The following ADAMTS9 variants were observed in gnomAD, a reference collection of about 807,000 sequenced individuals.
The protein encoded by ADAMTS9 is A disintegrin and metalloproteinase with thrombospondin motifs 9.
A neutral mutation model predicts 257.1 loss-of-function variants in ADAMTS9; 107 were observed. The ratio of observed to expected loss-of-function variants is 0.42; its 90% CI spans 0.36 to 0.49. The LOEUF is 0.49. Among genes scored for constraint, ADAMTS9 ranks in the 20% least tolerant of loss-of-function variants. ADAMTS9 has a pLI of 0.03. For missense variants in ADAMTS9, 2,353 were observed against 2,469.1 expected (o/e 0.95, Z 1.00); for synonymous variants, 982 against 880.9 (o/e 1.11, Z -2.03).
rs552102425 is a variant in ADAMTS9 at position 64,640,254 on chromosome 3, C to G, written c.1856+1594G>C. ...CAAAAATAACTTAATTAATCATCAT[C>G]TGTGATTTGTAGTACAGAGTACTGA... On this transcript the variant is annotated intron_variant, in intron 12 of 39. Coordinates refer to ENST00000498707, the MANE Select transcript of ADAMTS9 (RefSeq NM_182920.2). Among the ~76,000 whole-genome samples the G allele has an allele frequency of 7.4e-4, 113 of 152,310 alleles. 1 individual carries two copies. The highest frequency in any genetic ancestry group is 1.6e-3 in the Admixed American group (24 of 15,302).
At position 64,515,773 on chromosome 3, in the gene ADAMTS9, G is replaced by A. The variant is rs2082768879; in HGVS notation, c.*1354C>T. On this transcript the variant is annotated 3_prime_UTR_variant, in exon 40 of 40. Transcript: ENST00000498707. ...TGGAGCACTCTAGAGCTTGTTTGGA[G>A]TTGGAGAATACTGCCAGGCTTTTCC... 6.6e-6 allele frequency: 1 copy of A among 152,194 alleles called. No homozygotes were observed. Among genetic ancestry groups the A allele is most frequent in the Admixed American group, 6.5e-5 (1 of 15,280 alleles). The allele number at this position is 152,194 out of a possible 1,614,324, so 9.4% of individuals were successfully genotyped here.
intron 14 of ADAMTS9, 50 bp downstream of exon 14, chr3:64,633,422 C>T (rs751654716): frequency 1.9e-5 from 30 of 1,606,204 alleles, no homozygotes; most frequent in Non-Finnish European, 6.8e-6. Flanking sequence ...CCACAAATCA[C>T]AGGTTGGCAG....
chr3:64,642,891 G>A (rs1333204700), intron 11 of ADAMTS9, among the ~76,000 whole-genome samples: 1 of 152,152 alleles, frequency 6.6e-6, no homozygotes, highest in Non-Finnish European at 1.5e-5. Flanking sequence ...AAGGCCAGGG[G>A]GTGGGGCAGT....
At chr3:64,565,808 T>C (rs529601070) in intron 29 of ADAMTS9, 2 of 152,282 alleles carry the variant, frequency 1.3e-5, no homozygotes, top group South Asian at 4.2e-4. Flanking sequence ...TGTAATCTTT[T>C]TGGAGAGAGA....
In ADAMTS9 at chr3:64,616,174, T is replaced by C. The variant is rs939818833; in HGVS notation, c.2814-4A>G. The C allele has an allele frequency of 1.9e-6, 3 of 1,613,872 alleles. No homozygotes were observed. The Admixed American group carries it at 5.0e-5, about 27-fold the overall frequency. ...ACTCCTGCTGGCAACATGCCACCTA[T>C]GCAAAAATAATGGGGCAAAACCAAC... On this transcript the variant is annotated splice_polypyrimidine_tract_variant and splice_region_variant and intron_variant, in intron 19 of 39. Coordinates refer to ENST00000498707, the MANE Select transcript of ADAMTS9 (RefSeq NM_182920.2).
At chr3:64,534,058 C>T (rs2083016558) in intron 37 of ADAMTS9, among the ~76,000 whole-genome samples, 1 of 152,224 alleles carries the variant, frequency 6.6e-6, no homozygotes, top group South Asian at 2.1e-4. Flanking sequence ...AGGCTTCCTA[C>T]TCCACAATGA....
At chr3:64,637,220 A>G (rs11922238) in intron 12 of ADAMTS9, among the ~76,000 whole-genome samples, 5,345 of 152,308 alleles carry the variant, frequency 0.035, 308 homozygotes, top group African/African-American at 0.12. Context: ...CAGCCAACCA[A>G]ACTCATCTTT....
At chr3:64,517,416 GT>G (rs755480110) in intron 39 of ADAMTS9, among the ~76,000 whole-genome samples, 8,750 of 52,702 alleles carry the variant, frequency 0.17, 711 homozygotes, top group African/African-American at 0.28. Flanking sequence ...ATTAAAAATG[GT>G]TTTTTTTTTT....
In ADAMTS9 at chr3:64,550,833, C is replaced by A. The variant is rs559980736; in HGVS notation, c.4869+59G>T. 5.0e-6 allele frequency: 8 copies of A among 1,598,930 alleles called. No individual in the cohort carries two copies. The South Asian group carries it at 6.7e-5, about 13-fold the overall frequency. ...TCCTGCACTCATCCCTCCACTCATC[C>A]CTCTGCCACTCTCAGGCCATGGCTG... On this transcript the variant is annotated intron_variant, in intron 31 of 39. Coordinates refer to ENST00000498707, the MANE Select transcript of ADAMTS9 (RefSeq NM_182920.2).
rs182028547 is a variant in ADAMTS9 at position 64,615,437 on chromosome 3, C to T, written c.3073G>A (p.Val1025Ile). 3 of 1,613,928 alleles carry T rather than the reference C, an allele frequency of 1.9e-6. No individual in the cohort carries two copies. ...GGTQRRRAIC[V>I]NTRNDVLDDS... The stretch of plus-strand genomic sequence containing the variant: ...TCCAGTACATCATTTCGGGTATTGA[C>T]ACAAATAGCCCTTCTCCTCTGGGTC... The change falls in exon 21 of 40, where the codon GTC becomes ATC. Residue 1025 changes from valine (V) to isoleucine (I), a missense_variant. By Grantham distance (29) the Val-to-Ile change is conservative. Around this residue, in one of 3 missense-constraint regions of ADAMTS9, gnomAD observed 1,402 missense variants for 1,441.4 expected, o/e 0.97. Coordinates refer to ENST00000498707, the MANE Select transcript of ADAMTS9 (RefSeq NM_182920.2).
rs186758504 is a variant in ADAMTS9 at position 64,541,060 on chromosome 3, C to T, written c.5521+35G>A. On this transcript the variant is annotated intron_variant, in intron 36 of 39. Transcript: ENST00000498707. ...CTTGCTGTCTGAATGGAGAGAAGAA[C>T]GCACACGTTCCCAAAGGACTCCTCA... 3,076 of 1,611,274 alleles carry T rather than the reference C, an allele frequency of 1.9e-3. 69 individuals carry two copies. In the South Asian group the frequency reaches 0.025, roughly 13 times the overall value.
intron 28 of ADAMTS9, among the ~76,000 whole-genome samples, chr3:64,577,888 T>A (rs1463527645): frequency 2.0e-5 from 3 of 152,180 alleles, no homozygotes; most frequent in African/African-American, 7.2e-5. Flanking sequence ...CAGGACACAG[T>A]TAATTCAGTT....
At chr3:64,589,777 T>A (rs1015735027) in intron 28 of ADAMTS9, 1 of 152,220 alleles carries the variant, frequency 6.6e-6, no homozygotes, top group African/African-American at 2.4e-5. Context: ...GATTTAGGTA[T>A]TTTTTGAAAA....
At chr3:64,679,161 G>C (rs1701694384) in intron 3 of ADAMTS9, among the ~76,000 whole-genome samples, 1 of 152,068 alleles carries the variant, frequency 6.6e-6, no homozygotes, top group Admixed American at 6.6e-5. Flanking sequence ...AACAGGATTT[G>C]ACAATGACAT....
intron 32 of ADAMTS9, among the ~76,000 whole-genome samples, chr3:64,546,551 T>G (rs1221894999): frequency 6.6e-6 from 1 of 152,208 alleles, no homozygotes. Flanking sequence ...CCAGACTGTC[T>G]GGCTTCAGAG....
At chr3:64,519,829 C>T (rs964731416) in intron 39 of ADAMTS9, among the ~76,000 whole-genome samples, 1 of 152,112 alleles carries the variant, frequency 6.6e-6, no homozygotes, top group Non-Finnish European at 1.5e-5. Flanking sequence ...AAACCCACAG[C>T]CAATATCATA....
chr3:64,552,447 A>G (rs1325151667), intron 30 of ADAMTS9, among the ~76,000 whole-genome samples: 1 of 152,184 alleles, frequency 6.6e-6, no homozygotes, highest in Non-Finnish European at 1.5e-5. Context: ...GAGCTAAGTG[A>G]AACCTGTACC....
chr3:64,668,178 T>G (rs1701395232), intron 3 of ADAMTS9, among the ~76,000 whole-genome samples: 1 of 152,190 alleles, frequency 6.6e-6, no homozygotes, highest in Non-Finnish European at 1.5e-5. Context: ...CTCCCAAGCT[T>G]GCACTCTCCA....
intron 12 of ADAMTS9, among the ~76,000 whole-genome samples, chr3:64,634,979 T>C (rs181688378): frequency 2.0e-5 from 3 of 152,210 alleles, no homozygotes; most frequent in Non-Finnish European, 4.4e-5. Flanking sequence ...TGTGTGGCCC[T>C]AGACTAAGTT....
Sources: gnomAD v4.1 joint callset for allele counts (sites outside exome capture counted in the v4.1 genomes callset) on GRCh38, gnomAD v4.1.1 for gene constraint, gnomAD v4.1.1 regional missense constraint, MANE v1.5 for transcripts, NCBI Gene and HGNC (gene_info 2026-07-23, HGNC 2026-07-21) for gene names.